The following KANK4 variants were observed in gnomAD, a reference collection of about 807,000 sequenced individuals.
KANK4 encodes the protein KN motif and ankyrin repeat domains 4.
Under a neutral mutation model 80.8 loss-of-function variants are expected in KANK4, and 50 were observed. The ratio of observed to expected loss-of-function variants is 0.62; its 90% CI spans 0.49 to 0.78. The LOEUF (loss-of-function observed/expected upper bound fraction) is 0.78. Ranked by LOEUF, KANK4 falls within the 30% of genes least tolerant of loss-of-function variation. The pLI is 0.00. For synonymous variants in KANK4, 465 were observed against 506.9 expected (o/e 0.92, Z 1.11); for missense variants, 1,196 against 1,240.1 (o/e 0.96, Z 0.53).
intron 7 of KANK4, among the ~76,000 whole-genome samples, chr1:62,258,522 C>T (rs947094726): frequency 2.6e-5 from 4 of 152,170 alleles, no homozygotes; most frequent in African/African-American, 9.7e-5. Flanking sequence ...TGTACGTTGC[C>T]TTTCCCGTTC....
intron 7 of KANK4, among the ~76,000 whole-genome samples, chr1:62,260,779 C>T (rs1312340104): frequency 1.3e-5 from 2 of 152,190 alleles, no homozygotes; most frequent in African/African-American, 4.8e-5. Flanking sequence ...CCATCAGCCA[C>T]AATCCTCTTA....
At chr1:62,303,390 T>G (rs998081971) in intron 1 of KANK4, among the ~76,000 whole-genome samples, 1 of 151,902 alleles carries the variant, frequency 6.6e-6, no homozygotes, top group Non-Finnish European at 1.5e-5. Flanking sequence ...CAACATCATG[T>G]CATCCATACC....
intron 1 of KANK4, among the ~76,000 whole-genome samples, chr1:62,312,272 C>T (rs1343755361): frequency 1.3e-5 from 2 of 152,138 alleles, no homozygotes; most frequent in South Asian, 4.1e-4. Context: ...GTATCTGTCG[C>T]AGCTAAAATG....
intron 8 of KANK4, among the ~76,000 whole-genome samples, chr1:62,250,535 A>G (rs1319335603): frequency 2.6e-5 from 4 of 152,034 alleles, no homozygotes; most frequent in Non-Finnish European, 5.9e-5. Flanking sequence ...CTCTCTTCAC[A>G]TGTGAAGGCC....
rs1404351249 is a variant in KANK4 at position 62,274,969 on chromosome 1, G to A, written c.135C>T (p.Asp45=). 3 of 1,613,990 alleles carry A rather than the reference G, an allele frequency of 1.9e-6. No individual in the cohort carries two copies. The highest frequency in any genetic ancestry group is 2.5e-6 in the Non-Finnish European group (3 of 1,180,020). Residue 45 remains aspartate (D), a synonymous_variant, in exon 3 of 10, where the codon GAC becomes GAT. Transcript: ENST00000371153. ...LDLDFLKYVD[D]IEKGNTIKRI... is the part of the protein sequence containing the mutation. ...TTTTGATAGTGTTTCCCTTCTCGATGTCATCCACATACTTGAGGAAGTCCA... is the reference window on the plus strand; with the variant it reads ...TTTTGATAGTGTTTCCCTTCTCGATATCATCCACATACTTGAGGAAGTCCA...
chr1:62,277,267 C>T (rs1672335372), intron 2 of KANK4, among the ~76,000 whole-genome samples: 1 of 151,992 alleles, frequency 6.6e-6, no homozygotes, highest in Non-Finnish European at 1.5e-5. Context: ...ACAATTTTTC[C>T]TAGGTAGGAG....
At chr1:62,259,566 C>T (rs921970046) in intron 7 of KANK4, among the ~76,000 whole-genome samples, 6 of 152,096 alleles carry the variant, frequency 3.9e-5, no homozygotes, top group South Asian at 2.1e-4. Context: ...CGTGAGCCAC[C>T]GCGCCTGGAC....
At position 62,274,863 on chromosome 1, in the gene KANK4, G is replaced by A. The variant is rs867539814; in HGVS notation, c.241C>T (p.Arg81Cys). 15 of 1,613,824 alleles carry A rather than the reference G, an allele frequency of 9.3e-6. No individual in the cohort carries two copies. Among genetic ancestry groups the A allele is most frequent in the Admixed American group, 3.3e-5 (2 of 60,028 alleles). Reference protein sequence around the residue: ...RNFSLPDSGARPPAAPPLQNW... With the variant: ...RNFSLPDSGACPPAAPPLQNW... ...TGGAGGGGCGGGGCTGCAGGGGGGC[G>A]AGCCCCACTGTCAGGAAGGCTGAAG... Residue 81 changes from arginine (R) to cysteine (C), a missense_variant, in exon 3 of 10, where the codon CGC becomes TGC. Coordinates refer to ENST00000371153, the MANE Select transcript of KANK4 (RefSeq NM_181712.5).
intron 7 of KANK4, among the ~76,000 whole-genome samples, chr1:62,258,079 G>C (rs1470319670): frequency 6.6e-6 from 1 of 152,202 alleles, no homozygotes; most frequent in Non-Finnish European, 1.5e-5. Context: ...TTAAGAGACT[G>C]ATCGATCTTG....
intron 2 of KANK4, among the ~76,000 whole-genome samples, chr1:62,281,231 T>C (rs1557495425): frequency 6.6e-6 from 1 of 152,168 alleles, no homozygotes. Context: ...ATAATTAACA[T>C]CTTTAAGTGA....
chr1:62,309,686 T>C lies in KANK4; in HGVS notation c.-71+9420A>G, dbSNP rs570783338. Among the ~76,000 whole-genome samples the C allele has an allele frequency of 3.9e-5, 6 of 152,320 alleles. No homozygotes were observed. In the South Asian group the frequency reaches 1.2e-3, roughly 32 times the overall value. ...AATACAATCTTTTTTGTCCCCATTTTACAGATAGGAAGCTGAGGATAGGGC... is the reference window on the plus strand; with the variant it reads ...AATACAATCTTTTTTGTCCCCATTTCACAGATAGGAAGCTGAGGATAGGGC... On this transcript the variant is annotated intron_variant, in intron 1 of 9. Coordinates refer to ENST00000371153, the MANE Select transcript of KANK4 (RefSeq NM_181712.5).
chr1:62,253,570 T>C lies in KANK4; in HGVS notation c.2540-361A>G, dbSNP rs539156421. Among the ~76,000 whole-genome samples the C allele has an allele frequency of 5.4e-5, 4 of 74,624 alleles. No homozygotes were observed. The South Asian group carries it at 2.1e-3, about 39-fold the overall frequency. 49.0% of individuals were successfully genotyped at this position (74,624 alleles called of 152,430 possible). On this transcript the variant is annotated intron_variant, in intron 7 of 9. Coordinates refer to ENST00000371153, the MANE Select transcript of KANK4 (RefSeq NM_181712.5). The stretch of plus-strand genomic sequence containing the variant: ...GATTACAGGCGTGCGCCACCACACC[T>C]GGCTAATTTTTTTTTGTATTTTTAG...
chr1:62,311,856 T>A (rs969211780), intron 1 of KANK4, among the ~76,000 whole-genome samples: 2 of 152,200 alleles, frequency 1.3e-5, no homozygotes, highest in Non-Finnish European at 2.9e-5. Flanking sequence ...TTTTGCAAAT[T>A]TGCCAACAAT....
chr1:62,283,458 GCC>G (rs1672494504), intron 1 of KANK4, among the ~76,000 whole-genome samples: 3 of 152,184 alleles, frequency 2.0e-5, no homozygotes, highest in African/African-American at 7.2e-5. Context: ...CTCAAGTCTA[GCC>G]GACTCCAAGC....
Position 62,268,474 on chromosome 1 carries a change from C to G in KANK4, c.2044G>C (p.Gly682Arg), listed in dbSNP as rs140407819. 1 of 1,613,632 alleles carries G rather than the reference C, an allele frequency of 6.2e-7. No homozygotes were observed. Among genetic ancestry groups the G allele is most frequent in the Admixed American group, 1.7e-5 (1 of 59,988 alleles). Residue 682 changes from glycine to arginine, a missense_variant, in exon 5 of 10, where the codon GGT (glycine) becomes CGT (arginine). Coordinates refer to ENST00000371153, the MANE Select transcript of KANK4 (RefSeq NM_181712.5). ...YETTSSEETS[G>R]EDSTPEDLSD... is the part of the protein sequence containing the mutation. ...AAGTCCTCTGGGGTGCTGTCCTCAC[C>G]GCTGGTCTCCTCACTTGAGGTGGTC...
At chr1:62,277,055 A>C (rs563137880) in intron 2 of KANK4, among the ~76,000 whole-genome samples, 1 of 152,298 alleles carries the variant, frequency 6.6e-6, no homozygotes, top group African/African-American at 2.4e-5. Flanking sequence ...TTGAGCACCT[A>C]TGTGCTAAGC....
Position 62,247,623 on chromosome 1 carries a change from A to G in KANK4, c.2732T>C (p.Met911Thr), listed in dbSNP as rs750631136. ...CTGGCAGCTAAGCAGCGCTTGAACC[A>G]TGTCCTCCCTGTCGTGGCTGACTCC... is the stretch of plus-strand genomic sequence containing the variant. ...MLGVSHDRED[M>T]VQALLSCQAD... The change falls in exon 9 of 10, where the codon ATG becomes ACG. Residue 911 changes from methionine to threonine, a missense_variant. By Grantham distance (81) the Met-to-Thr change is moderately conservative. Around this residue, in one of 3 missense-constraint regions of KANK4, gnomAD observed 1,154 missense variants for 1,179.6 expected, o/e 0.98. Transcript: ENST00000371153. 57 of 1,613,826 alleles carry G rather than the reference A, an allele frequency of 3.5e-5. No individual in the cohort carries two copies. In the East Asian group the frequency reaches 6.5e-4, roughly 18 times the overall value.
At position 62,278,322 on chromosome 1, in the gene KANK4, TTCCTTCCTTCCTTCC is replaced by T. The variant is rs1672358559; in HGVS notation, c.16+3212_16+3226del. Among the ~76,000 whole-genome samples the T allele has an allele frequency of 5.4e-3, 153 of 28,114 alleles. 27 individuals are homozygous for T. The highest frequency in any genetic ancestry group is 0.029 in the African/African-American group (138 of 4,708). 18.4% of individuals were successfully genotyped at this position (28,114 alleles called of 152,430 possible). Reference sequence around the variant, plus strand: ...CATTTCCTGGGGCACATTTTCTTTCTTCCTTCCTTCCTTCCTTCCTTCCTTCCTTCCTTCCTTCCT... The same window carrying T: ...CATTTCCTGGGGCACATTTTCTTTCTTTCCTTCCTTCCTTCCTTCCTTCCT... On this transcript the variant is annotated intron_variant, in intron 2 of 9. Transcript: ENST00000371153.
At chr1:62,285,526 T>C (rs1457567620) in intron 1 of KANK4, among the ~76,000 whole-genome samples, 2 of 152,226 alleles carry the variant, frequency 1.3e-5, no homozygotes, top group Non-Finnish European at 2.9e-5. Flanking sequence ...GGTTCTGTAC[T>C]TTTGTTCTCT....
Sources: allele counts gnomAD v4.1 joint callset (sites outside exome capture counted in the v4.1 genomes callset), GRCh38; gene constraint gnomAD v4.1.1; regional missense constraint gnomAD v4.1.1; transcripts MANE v1.5; gene names NCBI Gene and HGNC (gene_info 2026-07-23, HGNC 2026-07-21).